PELI2: variants seen among roughly 807,000 people sequenced by gnomAD.
PELI2 encodes E3 ubiquitin-protein ligase pellino homolog 2.
Under a neutral mutation model 42.3 loss-of-function variants are expected in PELI2, and 23 were observed. That is an observed-to-expected ratio of 0.54 (90% CI 0.39 to 0.77). PELI2 has a LOEUF of 0.77. Ranked by LOEUF, PELI2 falls within the 30% of genes least tolerant of loss-of-function variation. The pLI is 0.00. For missense variants in PELI2, 463 were observed against 553.2 expected, an observed-to-expected ratio of 0.84 and a Z score of 1.64; for synonymous variants, 245 against 212.2, an observed-to-expected ratio of 1.15 and a Z score of -1.34.
At chr14:56,278,970 A>G (rs1889388383) in intron 2 of PELI2, among the ~76,000 whole-genome samples, 1 of 152,214 alleles carries the variant, frequency 6.6e-6, no homozygotes, top group Non-Finnish European at 1.5e-5. Context: ...CTTTTTGTTC[A>G]AACATATCAC....
At chr14:56,282,775 A>G (rs1227531228) in intron 3 of PELI2, among the ~76,000 whole-genome samples, 4 of 152,136 alleles carry the variant, frequency 2.6e-5, no homozygotes, top group Non-Finnish European at 5.9e-5. Context: ...ATCTTCCTAC[A>G]TAAGTATATG....
intron 2 of PELI2, among the ~76,000 whole-genome samples, chr14:56,241,826 A>G (rs4901663): frequency 0.43 from 65,253 of 152,102 alleles, 14,306 homozygotes; most frequent in South Asian, 0.53. Flanking sequence ...CTGGTTCTGT[A>G]CTTAGCCCAA....
chr14:56,247,143 T>C (rs1888191537), intron 2 of PELI2, among the ~76,000 whole-genome samples: 1 of 146,346 alleles, frequency 6.8e-6, no homozygotes, highest in Non-Finnish European at 1.6e-5. Context: ...TGCTATTATA[T>C]GTACAAACAC....
chr14:56,248,217 A>C (rs866427907), intron 2 of PELI2, among the ~76,000 whole-genome samples: 1 of 152,346 alleles, frequency 6.6e-6, no homozygotes, highest in South Asian at 2.1e-4. Flanking sequence ...CCATGCTGCT[A>C]TTATGCAACG....
chr14:56,199,165 C>G (rs1249623013), intron 2 of PELI2, among the ~76,000 whole-genome samples: 1 of 152,122 alleles, frequency 6.6e-6, no homozygotes, highest in South Asian at 2.1e-4. Context: ...CATGTGTGAG[C>G]CAAAAGTTTC....
intron 2 of PELI2, among the ~76,000 whole-genome samples, chr14:56,193,251 G>C (rs898282892): frequency 1.4e-4 from 22 of 152,198 alleles, no homozygotes; most frequent in African/African-American, 4.3e-4. Context: ...CCAAGACAGA[G>C]GGTAGTGAGA....
intron 2 of PELI2, among the ~76,000 whole-genome samples, chr14:56,267,442 A>T (rs1888947538): frequency 6.6e-6 from 1 of 152,238 alleles, no homozygotes; most frequent in East Asian, 1.9e-4. Context: ...TAACATCCAG[A>T]TATATCCAGG....
intron 1 of PELI2, among the ~76,000 whole-genome samples, chr14:56,120,585 G>A (rs1055421125): frequency 1.3e-5 from 2 of 152,200 alleles, no homozygotes; most frequent in African/African-American, 4.8e-5. Context: ...TTGGCACTTA[G>A]GGGGCGAGAC....
At position 56,296,813 on chromosome 14, in the gene PELI2, G is replaced by T. The variant is rs780896137; in HGVS notation, c.910G>T (p.Glu304Ter). 1.2e-6 allele frequency: 2 copies of T among 1,614,134 alleles called. No homozygotes were observed. Among genetic ancestry groups the T allele is most frequent in the Non-Finnish European group, 1.7e-6 (2 of 1,180,028 alleles). ...CATCAACAGGAAAGAGGTGGTGGAG[G>T]AGAAGCAGCCCTGGGCATATCTCAG... is the stretch of plus-strand genomic sequence containing the variant. The part of the protein sequence containing the change: ...PSINRKEVVE[E>*]KQPWAYLSCG... Residue 304 changes from glutamate to a stop codon, truncating the protein, a stop_gained, in exon 6 of 6, where the codon GAG becomes TAG. Coordinates refer to ENST00000267460, the MANE Select transcript of PELI2 (RefSeq NM_021255.3). LOFTEE classifies it high-confidence loss of function.
Position 56,178,444 on chromosome 14 carries a change from T to G in PELI2, c.187T>G (p.Ser63Ala), listed in dbSNP as rs965281434. The change falls in exon 2 of 6, where the codon TCC becomes GCC. Residue 63 changes from serine to alanine, a missense_variant. Coordinates refer to ENST00000267460, the MANE Select transcript of PELI2 (RefSeq NM_021255.3). ...CAAACCCAGCACCGTCCATGTGATA[T>G]CCACGCCCCAGGCATCCAAGGTAGG... ...GVKPSTVHVI[S>A]TPQASKAISC... 5 of 1,614,060 alleles carry G rather than the reference T, an allele frequency of 3.1e-6. No homozygotes were observed. The African/African-American group carries it at 5.3e-5, about 17-fold the overall frequency.
intron 1 of PELI2, among the ~76,000 whole-genome samples, chr14:56,140,812 G>A (rs1184717494): frequency 2.0e-5 from 3 of 152,224 alleles, no homozygotes; most frequent in African/African-American, 7.2e-5. Context: ...TAATGGGCAA[G>A]TTGGGGGGTG....
At chr14:56,201,366 G>A (rs2139707205) in intron 2 of PELI2, among the ~76,000 whole-genome samples, 1 of 152,294 alleles carries the variant, frequency 6.6e-6, no homozygotes, top group Middle Eastern at 3.4e-3. Context: ...TCCACATGAT[G>A]TGAAATACTC....
At chr14:56,201,224 G>A (rs1259273237) in intron 2 of PELI2, among the ~76,000 whole-genome samples, 2 of 152,174 alleles carry the variant, frequency 1.3e-5, no homozygotes, top group African/African-American at 4.8e-5. Context: ...GTATTCTGTC[G>A]AAAGGATGAT....
intron 2 of PELI2, among the ~76,000 whole-genome samples, chr14:56,189,525 G>A (rs1365244089): frequency 6.6e-6 from 1 of 152,188 alleles, no homozygotes; most frequent in Non-Finnish European, 1.5e-5. Context: ...AATAAAGTCT[G>A]CCTCCAGCTA....
At chr14:56,255,906 A>G (rs1482442170) in intron 2 of PELI2, among the ~76,000 whole-genome samples, 2 of 152,168 alleles carry the variant, frequency 1.3e-5, no homozygotes, top group African/African-American at 4.8e-5. Context: ...GCTAGTCCCT[A>G]GTTCCTGCTG....
rs3832944 is a variant in PELI2 at position 56,118,617 on chromosome 14, A to AGGCGGCGGCGTC, written c.-25_-14dup. 3.7e-4 allele frequency: 456 copies of AGGCGGCGGCGTC among 1,234,044 alleles called. No homozygotes were observed. The highest frequency in any genetic ancestry group is 1.8e-3 in the East Asian group (56 of 30,444). The allele number at this position is 1,234,044 out of a possible 1,614,324, so 76.4% of individuals were successfully genotyped here. A position where few individuals can be genotyped will look rare whatever the true frequency, so the allele number is the denominator to read the frequency against. On this transcript the variant is annotated 5_prime_UTR_variant, in exon 1 of 6. Coordinates refer to ENST00000267460, the MANE Select transcript of PELI2 (RefSeq NM_021255.3). The stretch of plus-strand genomic sequence containing the variant: ...GCGGACTCGGCGGGGATCGCGGCGG[A>AGGCGGCGGCGTC]GGCGGCGGCGTCGGCGGCGGCGTCG...
Position 56,144,218 on chromosome 14 carries a change from T to C in PELI2, c.77+25481T>C, listed in dbSNP as rs148880173. ...ATATTTACTACCTTGTTCAATCCTA[T>C]TGTATCATTGAGGATTCAACCAGAG... is the stretch of plus-strand genomic sequence containing the variant. On this transcript the variant is annotated intron_variant, in intron 1 of 5. Coordinates refer to ENST00000267460, the MANE Select transcript of PELI2 (RefSeq NM_021255.3). Among the ~76,000 whole-genome samples, 143 of 152,334 alleles carry C rather than the reference T, an allele frequency of 9.4e-4. 5 individuals are homozygous for C. The highest frequency in any genetic ancestry group is 1.7e-3 in the East Asian group (9 of 5,188).
At chr14:56,198,873 T>C (rs140102076) in intron 2 of PELI2, among the ~76,000 whole-genome samples, 122 of 152,346 alleles carry the variant, frequency 8.0e-4, no homozygotes, top group African/African-American at 2.8e-3. Flanking sequence ...TGTTAGAAAA[T>C]CTTCCATCTA....
chr14:56,269,191 G>A (rs760183854), intron 2 of PELI2, among the ~76,000 whole-genome samples: 2 of 152,060 alleles, frequency 1.3e-5, no homozygotes, highest in African/African-American at 2.4e-5. Flanking sequence ...CTATAGTCCC[G>A]GCACTTTAGG....
Sources: gnomAD v4.1 joint callset for allele counts (sites outside exome capture counted in the v4.1 genomes callset) on GRCh38, gnomAD v4.1.1 for gene constraint, MANE v1.5 for transcripts, NCBI Gene and HGNC (gene_info 2026-07-23, HGNC 2026-07-21) for gene names.